The following RYR2 variants were observed in gnomAD, a reference collection of about 807,000 sequenced individuals.
RYR2 encodes cardiac muscle ryanodine receptor-calcium release channel.
RYR2 carries 227 observed loss-of-function variants against 601.1 expected under a neutral mutation model. That is an observed-to-expected ratio of 0.38 (90% CI 0.34 to 0.42). The LOEUF is 0.42. RYR2 is among the 10% of genes least tolerant of loss of function. RYR2 has a pLI of 1.00. For missense variants in RYR2, 4,646 were observed against 6,156.5 expected (o/e 0.75, Z 8.21); for synonymous variants, 2,223 against 2,175.1 (o/e 1.02, Z -0.61).
intron 10 of RYR2, among the ~76,000 whole-genome samples, chr1:237,410,058 C>T (rs1427735663): frequency 6.6e-6 from 1 of 152,072 alleles, no homozygotes; most frequent in Non-Finnish European, 1.5e-5. Flanking sequence ...CCCCATTGCT[C>T]TAAAGTCATG....
chr1:237,337,217 A>G (rs962019718), intron 3 of RYR2, among the ~76,000 whole-genome samples: 1 of 143,794 alleles, frequency 7.0e-6, no homozygotes, highest in African/African-American at 2.6e-5. Flanking sequence ...GTGCCACTGC[A>G]CTCCAGCCTG....
chr1:237,065,269 C>CTTTTTTTTTTTTTT lies in RYR2; in HGVS notation c.48+22714_48+22727dup, dbSNP rs766039441. On this transcript the variant is annotated intron_variant, in intron 1 of 104. Coordinates refer to ENST00000366574, the MANE Select transcript of RYR2 (RefSeq NM_001035.3). The stretch of plus-strand genomic sequence containing the variant: ...CCTCAAAGAGCTCTTGTGTGCTATC[C>CTTTTTTTTTTTTTT]TTTTTTTTTTTTTTTTTTTTTTTTT... Among the ~76,000 whole-genome samples, 10 of 77,504 alleles carry CTTTTTTTTTTTTTT rather than the reference C, an allele frequency of 1.3e-4. 1 individual carries two copies. The highest frequency in any genetic ancestry group is 4.2e-4 in the African/African-American group (8 of 19,188). The allele number at this position is 77,504 out of a possible 152,430, so 50.8% of individuals were successfully genotyped here.
chr1:237,440,839 C>A (rs1371617292), intron 12 of RYR2, among the ~76,000 whole-genome samples: 1 of 150,938 alleles, frequency 6.6e-6, no homozygotes, highest in Non-Finnish European at 1.5e-5. Context: ...TTTTTTGATC[C>A]TATGGAGAGG....
At chr1:237,600,425 T>G (rs143672899) in intron 34 of RYR2, among the ~76,000 whole-genome samples, 2 of 152,280 alleles carry the variant, frequency 1.3e-5, no homozygotes, top group African/African-American at 4.8e-5. Flanking sequence ...TGGACCCCTA[T>G]TTTTCACCAT....
At chr1:237,212,782 T>G (rs1682733135) in intron 1 of RYR2, among the ~76,000 whole-genome samples, 1 of 152,038 alleles carries the variant, frequency 6.6e-6, no homozygotes, top group Non-Finnish European at 1.5e-5. Context: ...TTATTATTAT[T>G]ATTATTATTT....
At chr1:237,450,790 T>C (rs1054480760) in intron 14 of RYR2, among the ~76,000 whole-genome samples, 14 of 152,228 alleles carry the variant, frequency 9.2e-5, no homozygotes, top group South Asian at 2.1e-4. Flanking sequence ...CTTTTAACAA[T>C]GTCTCTCCCT....
In RYR2 at chr1:237,308,044, G is replaced by A. The variant is rs111722877; in HGVS notation, c.169-22834G>A. Among the ~76,000 whole-genome samples, 1,214 of 152,132 alleles carry A rather than the reference G, an allele frequency of 8.0e-3. 17 individuals carry two copies. Among genetic ancestry groups the A allele is most frequent in the African/African-American group, 0.027 (1,128 of 41,472 alleles). On this transcript the variant is annotated intron_variant, in intron 2 of 104. Transcript: ENST00000366574. ...GACTGAGGGCTAGGAAAATGAGGCC[G>A]GAACTTGCTGCGCTGCATTCTCATA...
intron 24 of RYR2, among the ~76,000 whole-genome samples, chr1:237,529,760 T>TAC (rs71561882): frequency 0.076 from 10,200 of 134,504 alleles, 400 homozygotes; most frequent in African/African-American, 0.1. Context: ...AATAATATCA[T>TAC]ACACACACAC....
chr1:237,330,848 C>A (rs771824576), intron 2 of RYR2, 30 bp from the exon 3 acceptor site: 12 of 1,550,670 alleles, frequency 7.7e-6, no homozygotes, highest in Non-Finnish European at 1.1e-5. Flanking sequence ...GAAGATGATG[C>A]TGCTGACTGC....
intron 3 of RYR2, among the ~76,000 whole-genome samples, chr1:237,355,141 A>G (rs998598685): frequency 2.6e-5 from 4 of 152,170 alleles, no homozygotes; most frequent in Admixed American, 1.3e-4. Context: ...AAACTTTCAT[A>G]CATGAAGGGT....
chr1:237,809,178 G>A (rs919072461), intron 100 of RYR2, 143 bp downstream of exon 100: 4 of 768,350 alleles, frequency 5.2e-6, no homozygotes, highest in Middle Eastern at 4.0e-4. Flanking sequence ...TAAAGATTCA[G>A]CAGTTTTCAA....
intron 38 of RYR2, among the ~76,000 whole-genome samples, chr1:237,623,084 G>T (rs1021084926): frequency 6.6e-6 from 1 of 152,100 alleles, no homozygotes; most frequent in Non-Finnish European, 1.5e-5. Flanking sequence ...AGAAAATAAT[G>T]GAAATTTAGG....
intron 84 of RYR2, among the ~76,000 whole-genome samples, chr1:237,768,403 A>T (rs1694009423): frequency 6.6e-6 from 1 of 152,200 alleles, no homozygotes; most frequent in Non-Finnish European, 1.5e-5. Context: ...TATACAAGAG[A>T]AAATGAAGGC....
In RYR2 at chr1:237,191,763, G is replaced by A. The variant is rs539220906; in HGVS notation, c.49-78734G>A. 3.7e-4 allele frequency among the ~76,000 whole-genome samples: 57 copies of A among 152,182 alleles called. 1 individual carries two copies. In the South Asian group the frequency reaches 9.3e-3, roughly 25 times the overall value. ...TTTCTTATTCTTGCTGAGAAATACC[G>A]GTTTTATGTGAAAAACCCTCAATTA... On this transcript the variant is annotated intron_variant, in intron 1 of 104. Coordinates refer to ENST00000366574, the MANE Select transcript of RYR2 (RefSeq NM_001035.3).
At chr1:237,534,160 G>T (rs1026219356) in intron 25 of RYR2, among the ~76,000 whole-genome samples, 1 of 152,110 alleles carries the variant, frequency 6.6e-6, no homozygotes, top group South Asian at 2.1e-4. Context: ...TGCTCAAAAT[G>T]AAACTGATGT....
At chr1:237,509,579 C>G (rs1394426895) in intron 23 of RYR2, among the ~76,000 whole-genome samples, 1 of 152,132 alleles carries the variant, frequency 6.6e-6, no homozygotes, top group Non-Finnish European at 1.5e-5. Flanking sequence ...ATTTATTCGT[C>G]CCTTTAACAT....
At chr1:237,740,141 T>C (rs1691485952) in intron 79 of RYR2, among the ~76,000 whole-genome samples, 1 of 152,192 alleles carries the variant, frequency 6.6e-6, no homozygotes. Context: ...ATCATCTATG[T>C]CACGTGGATG....
chr1:237,189,252 G>A (rs992808164), intron 1 of RYR2, among the ~76,000 whole-genome samples: 2 of 152,110 alleles, frequency 1.3e-5, no homozygotes, highest in East Asian at 1.9e-4. Flanking sequence ...ATAATGTCAC[G>A]TTGTGTATAT....
chr1:237,785,940 G>A, intron 90 of RYR2, 29 bp from the exon 91 acceptor site: 1 of 1,516,894 alleles, frequency 6.6e-7, no homozygotes, highest in South Asian at 1.2e-5. Flanking sequence ...GGTAATCCTG[G>A]TTTTCTTTTC....
Sources: gnomAD v4.1 joint callset for allele counts (sites outside exome capture counted in the v4.1 genomes callset) on GRCh38, gnomAD v4.1.1 for gene constraint, MANE v1.5 for transcripts, NCBI Gene and HGNC (gene_info 2026-07-23, HGNC 2026-07-21) for gene names.